The following EYS variants were observed in gnomAD, a reference collection of about 807,000 sequenced individuals.
EYS encodes protein eyes shut homolog.
A neutral mutation model predicts 282.1 loss-of-function variants in EYS; 250 were observed. The ratio of observed to expected loss-of-function variants is 0.89; its 90% confidence interval spans 0.80 to 0.98. EYS has a LOEUF of 0.98. Ranked by LOEUF, EYS falls within the 50% of genes least tolerant of loss-of-function variation. EYS has a pLI of 0.00. For missense variants in EYS, 4,016 were observed against 3,709.0 expected, an observed-to-expected ratio of 1.08 and a Z score of -2.15; for synonymous variants, 1,355 against 1,282.9, an observed-to-expected ratio of 1.06 and a Z score of -1.20.
Position 64,925,262 on chromosome 6 carries a change from G to A in EYS, c.2382-12519C>T, listed in dbSNP as rs529347974. Among the ~76,000 whole-genome samples the A allele has an allele frequency of 6.6e-5, 10 of 152,214 alleles. No individual in the cohort carries two copies. In the East Asian group the frequency reaches 9.7e-4, roughly 15 times the overall value. The stretch of plus-strand genomic sequence containing the variant: ...TTAATCACTATCACAAGAATAGTGC[G>A]GGAAAGACCAGACCTCATGATTCAA... On this transcript the variant is annotated intron_variant, in intron 15 of 42. Coordinates refer to ENST00000503581, the MANE Select transcript of EYS (RefSeq NM_001142800.2).
At chr6:64,486,231 C>T (rs1423916246) in intron 26 of EYS, among the ~76,000 whole-genome samples, 1 of 151,410 alleles carries the variant, frequency 6.6e-6, no homozygotes, top group Non-Finnish European at 1.5e-5. Context: ...ACAGTTATTT[C>T]TGTGGCTTTG....
intron 19 of EYS, among the ~76,000 whole-genome samples, chr6:64,836,122 A>G (rs1765374405): frequency 6.6e-6 from 1 of 151,430 alleles, no homozygotes. Context: ...ACATGCCTCC[A>G]TACATACATA....
At chr6:64,861,749 A>C (rs1766245246) in intron 19 of EYS, among the ~76,000 whole-genome samples, 1 of 152,232 alleles carries the variant, frequency 6.6e-6, no homozygotes, top group African/African-American at 2.4e-5. Flanking sequence ...CATTGCTGTC[A>C]TTCATTTCAC....
intron 14 of EYS, among the ~76,000 whole-genome samples, chr6:64,955,397 C>CTATT: frequency 6.6e-6 from 1 of 151,998 alleles, no homozygotes; most frequent in East Asian, 1.9e-4. Flanking sequence ...AACATCCATA[C>CTATT]TATTGGGAGA....
chr6:64,589,119 A>G (rs1341860441), intron 26 of EYS, among the ~76,000 whole-genome samples: 3 of 152,110 alleles, frequency 2.0e-5, no homozygotes, highest in African/African-American at 7.2e-5. Context: ...TATGTGAGTT[A>G]TAACAGATAA....
At chr6:63,894,513 A>C (rs1435460126) in intron 35 of EYS, among the ~76,000 whole-genome samples, 1 of 151,878 alleles carries the variant, frequency 6.6e-6, no homozygotes, top group East Asian at 1.9e-4. Flanking sequence ...CTCTGGCAAC[A>C]CCTTTTGATT....
At chr6:65,601,426 C>T (rs1050760654) in intron 2 of EYS, among the ~76,000 whole-genome samples, 1 of 151,596 alleles carries the variant, frequency 6.6e-6, no homozygotes, top group Non-Finnish European at 1.5e-5. Flanking sequence ...GTCAATTATG[C>T]TTTTTTTTCC....
chr6:64,434,767 T>C (rs985719268), intron 28 of EYS, among the ~76,000 whole-genome samples: 24 of 152,144 alleles, frequency 1.6e-4, no homozygotes, highest in African/African-American at 5.1e-4. Context: ...TTCATATATG[T>C]AATACAATTA....
chr6:65,346,367 CA>C (rs1228956647), intron 9 of EYS, among the ~76,000 whole-genome samples: 1 of 139,506 alleles, frequency 7.2e-6, no homozygotes, highest in Non-Finnish European at 1.6e-5. Context: ...AAAACTATAA[CA>C]TTTTTAGAGA....
intron 29 of EYS, among the ~76,000 whole-genome samples, chr6:64,312,307 C>T (rs1034493299): frequency 6.6e-6 from 1 of 152,102 alleles, no homozygotes; most frequent in Non-Finnish European, 1.5e-5. Flanking sequence ...AGCAAGGGTG[C>T]TGTGGCCAGA....
At chr6:64,722,339 G>A (rs1052644333) in intron 22 of EYS, among the ~76,000 whole-genome samples, 1 of 152,004 alleles carries the variant, frequency 6.6e-6, no homozygotes, top group Non-Finnish European at 1.5e-5. Context: ...ATAATTGAAT[G>A]TGTGCTCAGC....
intron 2 of EYS, among the ~76,000 whole-genome samples, chr6:65,505,391 C>A (rs1221364645): frequency 6.6e-6 from 1 of 151,548 alleles, no homozygotes; most frequent in Non-Finnish European, 1.5e-5. Context: ...TATTGTTTTT[C>A]TATTTTTAAT....
chr6:65,621,271 C>A (rs901097439), intron 2 of EYS, among the ~76,000 whole-genome samples: 11 of 152,222 alleles, frequency 7.2e-5, no homozygotes, highest in South Asian at 4.2e-4. Context: ...GGACAGTTAG[C>A]TCTTCTTGTT....
intron 1 of EYS, among the ~76,000 whole-genome samples, chr6:65,648,485 C>T (rs796220686): frequency 2.0e-5 from 3 of 151,984 alleles, no homozygotes; most frequent in African/African-American, 7.3e-5. Flanking sequence ...TGTTCTCATT[C>T]ATATGTGGGA....
chr6:65,237,117 A>T lies in EYS; in HGVS notation c.2023+58746T>A, dbSNP rs117655414. Among the ~76,000 whole-genome samples, 179 of 152,288 alleles carry T rather than the reference A, an allele frequency of 1.2e-3. 4 individuals carry two copies. The East Asian group carries it at 0.03, about 25-fold the overall frequency. ...AAGCACATAATAGAGAACTGGGTAAACCTGGGTAATACATCTACATTTTCC... is the reference window on the plus strand; with the variant it reads ...AAGCACATAATAGAGAACTGGGTAATCCTGGGTAATACATCTACATTTTCC... On this transcript the variant is annotated intron_variant, in intron 12 of 42. Transcript: ENST00000503581.
At chr6:64,882,841 G>A (rs1475451149) in intron 19 of EYS, among the ~76,000 whole-genome samples, 1 of 151,540 alleles carries the variant, frequency 6.6e-6, no homozygotes, top group Non-Finnish European at 1.5e-5. Context: ...GAGATAAAAT[G>A]GTGAGCAAGT....
At position 64,327,088 on chromosome 6, in the gene EYS, G is replaced by A. The variant is rs975901662; in HGVS notation, c.6079-20006C>T. On this transcript the variant is annotated intron_variant, in intron 29 of 42. Coordinates refer to ENST00000503581, the MANE Select transcript of EYS (RefSeq NM_001142800.2). ...AAGTGTGTGGAAGAGAGTCTCGGGAGAGACCATCATGGGGCGTGATGTGGG... is the reference window on the plus strand; with the variant it reads ...AAGTGTGTGGAAGAGAGTCTCGGGAAAGACCATCATGGGGCGTGATGTGGG... 7.2e-5 allele frequency among the ~76,000 whole-genome samples: 11 copies of A among 152,242 alleles called. No homozygotes were observed. The South Asian group carries it at 1.9e-3, about 26-fold the overall frequency.
chr6:64,504,914 A>G (rs1213262860), intron 26 of EYS, among the ~76,000 whole-genome samples: 1 of 152,172 alleles, frequency 6.6e-6, no homozygotes, highest in Non-Finnish European at 1.5e-5. Context: ...TGGATGAGGA[A>G]GGGTCCATAA....
chr6:64,960,492 C>A (rs1003040429), intron 14 of EYS, among the ~76,000 whole-genome samples: 1 of 151,964 alleles, frequency 6.6e-6, no homozygotes, highest in African/African-American at 2.4e-5. Flanking sequence ...AATATATATT[C>A]CAAATTATTT....
Sources: allele counts gnomAD v4.1 joint callset (sites outside exome capture counted in the v4.1 genomes callset), GRCh38; gene constraint gnomAD v4.1.1; transcripts MANE v1.5; gene names NCBI Gene and HGNC (gene_info 2026-07-23, HGNC 2026-07-21).